TTC7B: variants seen among roughly 807,000 people sequenced by gnomAD.
TTC7B encodes tetratricopeptide repeat protein 7B.
In TTC7B, 28 loss-of-function variants were observed where a neutral mutation model predicts 106.8. That is an observed-to-expected ratio of 0.26 (90% CI 0.19 to 0.36). The LOEUF (loss-of-function observed/expected upper bound fraction) is 0.36, where lower values mean the gene tolerates loss of function less well. Among genes scored for constraint, TTC7B ranks in the 10% least tolerant of loss-of-function variants. The pLI, the probability that TTC7B is intolerant of heterozygous loss-of-function variation, is 1.00. For synonymous variants in TTC7B, 405 were observed against 430.6 expected (o/e 0.94, Z 0.74); for missense variants, 862 against 1,076.4 (o/e 0.80, Z 2.79).
At chr14:90,601,476 T>C (rs1006848505) in intron 17 of TTC7B, among the ~76,000 whole-genome samples, 2 of 152,244 alleles carry the variant, frequency 1.3e-5, no homozygotes, top group African/African-American at 4.8e-5. Context: ...ACGTGTTTAC[T>C]CTCTTCTCCC....
intron 1 of TTC7B, among the ~76,000 whole-genome samples, chr14:90,788,227 G>A (rs967961549): frequency 5.3e-5 from 8 of 152,100 alleles, no homozygotes; most frequent in African/African-American, 1.4e-4. Flanking sequence ...ATGAAGTGGC[G>A]CATACAGAGT....
rs1173740755 is a variant in TTC7B, at chr14:90,805,263, C to G, written c.121+10912G>C. ...GAGTAATGAATCTAAGTAAACTCCT[C>G]AAGGGCAGAGGCCAAGGTGTCTTGT... On this transcript the variant is annotated intron_variant, in intron 1 of 19. Coordinates refer to ENST00000328459, the MANE Select transcript of TTC7B (RefSeq NM_001010854.2). This position sits in a 1 kb window ranked among gnomAD's most constrained non-coding sequence, Gnocchi z 4.0. Among the ~76,000 whole-genome samples, 1 of 152,134 alleles carries G rather than the reference C, an allele frequency of 6.6e-6. No individual in the cohort carries two copies. The highest frequency in any genetic ancestry group is 1.5e-5 in the Non-Finnish European group (1 of 68,014).
At chr14:90,700,275 T>C (rs1260925640) in intron 5 of TTC7B, among the ~76,000 whole-genome samples, 2 of 152,170 alleles carry the variant, frequency 1.3e-5, no homozygotes, top group Non-Finnish European at 2.9e-5. Context: ...TTCCAGGCAT[T>C]TCAGGGAAAC....
In TTC7B at chr14:90,624,895, T is replaced by C. The variant is rs1180220234; in HGVS notation, c.1752-6850A>G. 2.0e-5 allele frequency among the ~76,000 whole-genome samples: 3 copies of C among 152,222 alleles called. No individual in the cohort carries two copies. The highest frequency in any genetic ancestry group is 7.2e-5 in the African/African-American group (3 of 41,446). ...GCTCTGCATGCCAGGGACCTGCTCT[T>C]TCTTTGTTTATCTACTGAATGCAGG... is the stretch of plus-strand genomic sequence containing the variant. On this transcript the variant is annotated intron_variant, in intron 15 of 19. Transcript: ENST00000328459. The surrounding 1 kb of genome is among the most constrained non-coding windows in gnomAD (Gnocchi z 4.0).
At position 90,578,671 on chromosome 14, in the gene TTC7B, T is replaced by C. The variant is rs114602111; in HGVS notation, c.2108-363A>G. 0.016 allele frequency among the ~76,000 whole-genome samples: 2,399 copies of C among 151,630 alleles called. 70 individuals are homozygous for C. Among genetic ancestry groups the C allele is most frequent in the African/African-American group, 0.055 (2,266 of 41,306 alleles). ...GTCCAACCCTTGGCTCTGACCCCCA[T>C]AGAAAAAGGGCCAGAATGAACAAGG... On this transcript the variant is annotated intron_variant, in intron 18 of 19. Coordinates refer to ENST00000328459, the MANE Select transcript of TTC7B (RefSeq NM_001010854.2). The surrounding 1 kb of genome is among the most constrained non-coding windows in gnomAD (Gnocchi z 4.7).
At chr14:90,736,862 A>G (rs916570624) in intron 4 of TTC7B, among the ~76,000 whole-genome samples, 4 of 147,394 alleles carry the variant, frequency 2.7e-5, no homozygotes, top group Admixed American at 6.9e-5. Context: ...ACTACACTCC[A>G]GCCTGAGCAA....
chr14:90,744,031 G>T (rs1889865710), intron 4 of TTC7B, among the ~76,000 whole-genome samples: 1 of 152,204 alleles, frequency 6.6e-6, no homozygotes, highest in African/African-American at 2.4e-5. Context: ...CATCCCTGAT[G>T]GTCTCCGGGG....
chr14:90,541,904 G>A (rs949614971), intron 19 of TTC7B, among the ~76,000 whole-genome samples: 7 of 152,226 alleles, frequency 4.6e-5, no homozygotes, highest in Admixed American at 2.0e-4. Flanking sequence ...CTGACCCAGC[G>A]CGGCGTCAGC....
chr14:90,611,969 G>A (rs972513883), intron 16 of TTC7B, among the ~76,000 whole-genome samples: 2 of 152,072 alleles, frequency 1.3e-5, no homozygotes, highest in Non-Finnish European at 2.9e-5. Flanking sequence ...ATTTTTTGTT[G>A]TGAAGAAGTT....
At chr14:90,698,431 A>T (rs1482452904) in intron 5 of TTC7B, 4 of 152,244 alleles carry the variant, frequency 2.6e-5, no homozygotes, top group Non-Finnish European at 4.4e-5. Context: ...ACTCCACTCA[A>T]AATGAAGATA....
chr14:90,694,414 G>A (rs1342860646), intron 6 of TTC7B, among the ~76,000 whole-genome samples: 2 of 151,982 alleles, frequency 1.3e-5, no homozygotes, highest in African/African-American at 2.4e-5. Context: ...AAGATGTCCT[G>A]AAATTAAATA....
intron 5 of TTC7B, among the ~76,000 whole-genome samples, chr14:90,721,268 C>T (rs905801668): frequency 1.3e-5 from 2 of 152,152 alleles, no homozygotes; most frequent in Non-Finnish European, 2.9e-5. Context: ...AGCTTTCTGA[C>T]GGCATCAGAT....
At chr14:90,601,569 T>C (rs551587404) in intron 17 of TTC7B, among the ~76,000 whole-genome samples, 1 of 152,362 alleles carries the variant, frequency 6.6e-6, no homozygotes, top group South Asian at 2.1e-4. Context: ...GTCGGTAATC[T>C]TGATTTTAGC....
chr14:90,768,239 G>A (rs1191225596), intron 3 of TTC7B, among the ~76,000 whole-genome samples: 3 of 152,220 alleles, frequency 2.0e-5, no homozygotes, highest in Non-Finnish European at 2.9e-5. Context: ...TTGAGCCTGT[G>A]TAATTTATAA....
At chr14:90,784,353 T>A (rs1398097425) in intron 2 of TTC7B, among the ~76,000 whole-genome samples, 1 of 152,082 alleles carries the variant, frequency 6.6e-6, no homozygotes, top group Admixed American at 6.5e-5. Context: ...GTGAGGAGAT[T>A]GAGACCATCC....
chr14:90,702,941 C>T (rs1888053445), intron 5 of TTC7B, among the ~76,000 whole-genome samples: 1 of 152,216 alleles, frequency 6.6e-6, no homozygotes, highest in South Asian at 2.1e-4. Context: ...TGCTCCATCA[C>T]ACTTAGCACA....
intron 3 of TTC7B, among the ~76,000 whole-genome samples, chr14:90,748,527 A>G (rs375845482): frequency 6.6e-6 from 1 of 152,134 alleles, no homozygotes; most frequent in Non-Finnish European, 1.5e-5. Flanking sequence ...GGGTTTCACA[A>G]TGTTGGCCAG....
chr14:90,771,111 G>A (rs893451311), intron 3 of TTC7B, among the ~76,000 whole-genome samples: 2 of 152,094 alleles, frequency 1.3e-5, no homozygotes. Flanking sequence ...GAGACGGATG[G>A]TGGTGACAGT....
intron 18 of TTC7B, among the ~76,000 whole-genome samples, chr14:90,582,574 G>A (rs970586197): frequency 6.6e-5 from 10 of 152,234 alleles, no homozygotes; most frequent in African/African-American, 2.4e-4. Context: ...AGAAAGCCTG[G>A]AGCCCAAAGC....
Sources: gnomAD v4.1 joint callset for allele counts (sites outside exome capture counted in the v4.1 genomes callset) on GRCh38, gnomAD v4.1.1 for gene constraint, Gnocchi (gnomAD v3.1) non-coding constraint, MANE v1.5 for transcripts, NCBI Gene and HGNC (gene_info 2026-07-23, HGNC 2026-07-21) for gene names.